The following BOLL variants were observed in gnomAD, a reference collection of about 807,000 sequenced individuals.
The protein encoded by BOLL is protein boule-like.
In BOLL, 23 loss-of-function variants were observed where a neutral mutation model predicts 44.4. That is an observed-to-expected ratio of 0.52 (90% CI 0.37 to 0.73). The LOEUF (loss-of-function observed/expected upper bound fraction) is 0.73, where lower values mean the gene tolerates loss of function less well. Ranked by LOEUF, BOLL falls within the 30% of genes least tolerant of loss-of-function variation. The probability of loss-of-function intolerance (pLI) is 0.00; values close to 1 mark genes in which losing one functional copy is unlikely to be tolerated. For synonymous variants in BOLL, 97 were observed against 110.8 expected (o/e 0.88, Z 0.78); for missense variants, 287 against 338.3 (o/e 0.85, Z 1.19).
At chr2:197,777,283 A>C (rs1689559162) in intron 3 of BOLL, among the ~76,000 whole-genome samples, 170 bp from the exon 4 acceptor site, 1 of 151,794 alleles carries the variant, frequency 6.6e-6, no homozygotes, top group Non-Finnish European at 1.5e-5. Flanking sequence ...ACAGCCTAAC[A>C]CTGTCACTTT....
chr2:197,759,631 T>G (rs1156951421), intron 7 of BOLL, among the ~76,000 whole-genome samples: 1 of 152,120 alleles, frequency 6.6e-6, no homozygotes, highest in East Asian at 1.9e-4. Flanking sequence ...AACCTGAGGC[T>G]CAAGATTGGC....
chr2:197,784,895 G>A, intron 1 of BOLL, 161 bp downstream of exon 1: 1 of 987,214 alleles, frequency 1.0e-6, no homozygotes, highest in Non-Finnish European at 1.2e-6. Context: ...ACTGTTGCCG[G>A]GTTTGAAGGC....
intron 9 of BOLL, among the ~76,000 whole-genome samples, chr2:197,745,478 C>G (rs1687948420): frequency 6.6e-6 from 1 of 151,952 alleles, no homozygotes; most frequent in Non-Finnish European, 1.5e-5. Context: ...TTCAGAAAAG[C>G]TTTATTAGAT....
At chr2:197,783,826 TC>T (rs566424385) in intron 1 of BOLL, among the ~76,000 whole-genome samples, 128 of 152,328 alleles carry the variant, frequency 8.4e-4, no homozygotes, top group African/African-American at 2.9e-3. Context: ...GTAGATGTAA[TC>T]TTGTCTTTCT....
intron 10 of BOLL, among the ~76,000 whole-genome samples, chr2:197,739,084 T>C (rs894307226): frequency 2.6e-5 from 4 of 152,124 alleles, no homozygotes; most frequent in South Asian, 2.1e-4. Context: ...TCGTTTTGTA[T>C]TGAGGGCCAC....
At chr2:197,737,483 A>C (rs1159961814) in intron 10 of BOLL, among the ~76,000 whole-genome samples, 2 of 152,058 alleles carry the variant, frequency 1.3e-5, no homozygotes, top group African/African-American at 4.8e-5. Flanking sequence ...ATTCTAGAGA[A>C]TCTGAGGCTG....
At chr2:197,769,989 G>A (rs1689164432) in intron 6 of BOLL, among the ~76,000 whole-genome samples, 1 of 152,042 alleles carries the variant, frequency 6.6e-6, no homozygotes, top group Non-Finnish European at 1.5e-5. Flanking sequence ...TCACAGAATT[G>A]GAAGAAACTA....
chr2:197,763,511 A>G (rs2106362377), intron 7 of BOLL, among the ~76,000 whole-genome samples: 1 of 151,584 alleles, frequency 6.6e-6, no homozygotes, highest in South Asian at 2.1e-4. Flanking sequence ...AGAAAACCTT[A>G]AGAAACAAAT....
chr2:197,780,571 A>T (rs1689722334), intron 2 of BOLL, among the ~76,000 whole-genome samples: 1 of 152,066 alleles, frequency 6.6e-6, no homozygotes, highest in South Asian at 2.1e-4. Flanking sequence ...AAATCTTTTT[A>T]AAAATAAATA....
intron 3 of BOLL, among the ~76,000 whole-genome samples, chr2:197,777,513 CAAT>C (rs1689574870): frequency 6.6e-6 from 1 of 151,788 alleles, no homozygotes; most frequent in African/African-American, 2.4e-5. Flanking sequence ...AATTTCAACA[CAAT>C]AAAATTTCTT....
Position 197,779,473 on chromosome 2 carries a change from GT to G in BOLL, c.130-408del, listed in dbSNP as rs1324963727. Among the ~76,000 whole-genome samples, 3 of 151,914 alleles carry G rather than the reference GT, an allele frequency of 2.0e-5. No homozygotes were observed. The East Asian group carries it at 5.8e-4, about 29-fold the overall frequency. ...AGTCATGGCAGTGGAACTAGGTTGT[GT>G]TGGCCTACACCAGTCATTCTATTTT... On this transcript the variant is annotated intron_variant, in intron 2 of 10. Coordinates refer to ENST00000392296, the MANE Select transcript of BOLL (RefSeq NM_033030.6).
At chr2:197,746,285 A>G (rs1687982566) in intron 9 of BOLL, among the ~76,000 whole-genome samples, 1 of 152,228 alleles carries the variant, frequency 6.6e-6, no homozygotes, top group African/African-American at 2.4e-5. Flanking sequence ...TAGAAATCCC[A>G]CTACTGTGTA....
chr2:197,766,960 C>G (rs1689028589), intron 6 of BOLL, among the ~76,000 whole-genome samples: 1 of 151,856 alleles, frequency 6.6e-6, no homozygotes, highest in South Asian at 2.1e-4. Flanking sequence ...TTGTGGGGAC[C>G]AGCAGGAAAC....
At chr2:197,741,186 A>G (rs1687713487) in intron 10 of BOLL, among the ~76,000 whole-genome samples, 1 of 152,118 alleles carries the variant, frequency 6.6e-6, no homozygotes, top group Admixed American at 6.6e-5. Context: ...CTTCTTGAAG[A>G]CGTCCTTCAC....
At chr2:197,775,035 C>T (rs1022974695) in intron 5 of BOLL, among the ~76,000 whole-genome samples, 2 of 151,736 alleles carry the variant, frequency 1.3e-5, no homozygotes, top group East Asian at 1.9e-4. Context: ...TCCTTCTAGC[C>T]AAAGACTGTT....
At chr2:197,757,502 A>T in intron 7 of BOLL, 102 bp from the exon 8 acceptor site, 1 of 956,650 alleles carries the variant, frequency 1.0e-6, no homozygotes, top group Non-Finnish European at 1.6e-6. Flanking sequence ...CTCACACCAT[A>T]TACAAAAATT....
chr2:197,741,953 A>G (rs1456664352), intron 10 of BOLL, among the ~76,000 whole-genome samples: 2 of 152,196 alleles, frequency 1.3e-5, no homozygotes, highest in African/African-American at 4.8e-5. Flanking sequence ...TCTACAATGA[A>G]CTCAAACAAA....
rs925307581 is a variant in BOLL at position 197,763,707 on chromosome 2, G to T, written c.552+2825C>A. On this transcript the variant is annotated intron_variant, in intron 7 of 10. Coordinates refer to ENST00000392296, the MANE Select transcript of BOLL (RefSeq NM_033030.6). ...TAGTTTGATTATATTAAACTAAAAA[G>T]TTCCTGCACAGTGAATAAAACAATC... Among the ~76,000 whole-genome samples the T allele has an allele frequency of 2.6e-5, 4 of 152,068 alleles. No individual in the cohort carries two copies. In the East Asian group the frequency reaches 7.7e-4, roughly 29 times the overall value.
chr2:197,779,869 T>C (rs1689687919), intron 2 of BOLL, among the ~76,000 whole-genome samples: 1 of 151,962 alleles, frequency 6.6e-6, no homozygotes, highest in Non-Finnish European at 1.5e-5. Flanking sequence ...AGAGTAACTT[T>C]TCTCTAGAAA....
Sources: gnomAD v4.1 joint callset for allele counts (sites outside exome capture counted in the v4.1 genomes callset) on GRCh38, gnomAD v4.1.1 for gene constraint, MANE v1.5 for transcripts, NCBI Gene and HGNC (gene_info 2026-07-23, HGNC 2026-07-21) for gene names.